The following FAT3 variants were observed in gnomAD, a reference collection of about 807,000 sequenced individuals.
FAT3 encodes FAT atypical cadherin 3.
FAT3 carries 95 observed loss-of-function variants against 310.2 expected under a neutral mutation model. The ratio of observed to expected loss-of-function variants is 0.31; its 90% confidence interval spans 0.26 to 0.36. The LOEUF is 0.36. Among genes scored for constraint, FAT3 ranks in the 10% least tolerant of loss-of-function variants. The pLI is 1.00. For missense variants in FAT3, 5,408 were observed against 5,715.6 expected (o/e 0.95, Z 1.74); for synonymous variants, 2,314 against 2,192.9 (o/e 1.06, Z -1.54).
At chr11:92,872,250 A>G (rs1271437566) in intron 22 of FAT3, among the ~76,000 whole-genome samples, 1 of 152,204 alleles carries the variant, frequency 6.6e-6, no homozygotes, top group African/African-American at 2.4e-5. Flanking sequence ...TCAAACTTTA[A>G]TTAAGTACCT....
At chr11:92,889,276 T>A (rs1949862297) in intron 26 of FAT3, 28 bp downstream of exon 26, 1 of 690,884 alleles carries the variant, frequency 1.4e-6, no homozygotes, top group Non-Finnish European at 2.7e-6. Flanking sequence ...TCCATAGCAT[T>A]TCTTGAAATT....
chr11:92,442,108 TA>T (rs1203666704), intron 2 of FAT3, among the ~76,000 whole-genome samples: 15 of 15,998 alleles, frequency 9.4e-4, no homozygotes, highest in East Asian at 6.9e-3. Flanking sequence ...TATATATATA[TA>T]TATTTTTTTT....
chr11:92,801,422 G>A lies in FAT3; in HGVS notation c.8409G>A (p.Lys2803=). The part of the protein sequence containing the change: ...DIVFTVDVDI[K]VLDLNDNKPV... ...TGTTTACTGTGGATGTAGATATCAAGGTATTGGATTTGAATGACAACAAGC... is the reference window on the plus strand; with the variant it reads ...TGTTTACTGTGGATGTAGATATCAAAGTATTGGATTTGAATGACAACAAGC... Residue 2803 remains lysine, a synonymous_variant, in exon 10 of 28, where the codon AAG becomes AAA. Coordinates refer to ENST00000525166, the MANE Select transcript of FAT3 (RefSeq NM_001367949.2). The A allele has an allele frequency of 1.9e-6, 3 of 1,613,878 alleles. No homozygotes were observed. Among genetic ancestry groups the A allele is most frequent in the Non-Finnish European group, 2.5e-6 (3 of 1,179,870 alleles).
intron 1 of FAT3, among the ~76,000 whole-genome samples, chr11:92,295,202 A>G (rs1946817827): frequency 6.6e-6 from 1 of 152,166 alleles, no homozygotes; most frequent in African/African-American, 2.4e-5. Flanking sequence ...TACAAGACAG[A>G]ATAAGATAAT....
At chr11:92,754,221 G>A (rs909395815) in intron 4 of FAT3, among the ~76,000 whole-genome samples, 8 of 151,932 alleles carry the variant, frequency 5.3e-5, no homozygotes, top group African/African-American at 1.9e-4. Context: ...CATGCTCATT[G>A]CAGCACTATT....
intron 1 of FAT3, among the ~76,000 whole-genome samples, chr11:92,281,369 A>C (rs1270795601): frequency 6.6e-6 from 1 of 152,204 alleles, no homozygotes; most frequent in Non-Finnish European, 1.5e-5. Context: ...AGTTTCTACA[A>C]GTATAGATGT....
chr11:92,643,441 C>A (rs1183572600), intron 3 of FAT3, among the ~76,000 whole-genome samples: 1 of 152,180 alleles, frequency 6.6e-6, no homozygotes. Context: ...GTGAGAAAAC[C>A]TGCATGTGAG....
intron 13 of FAT3, among the ~76,000 whole-genome samples, chr11:92,818,586 A>G (rs1250892398): frequency 1.3e-5 from 2 of 152,082 alleles, no homozygotes; most frequent in African/African-American, 4.8e-5. Context: ...CCCCAAATGT[A>G]CCCAAGAAAC....
intron 1 of FAT3, among the ~76,000 whole-genome samples, chr11:92,320,137 A>C (rs966505453): frequency 2.0e-5 from 3 of 152,220 alleles, no homozygotes; most frequent in Admixed American, 2.0e-4. Context: ...ATTTTCATTT[A>C]TTAGGTTGGT....
chr11:92,793,443 A>G (rs950134328), intron 9 of FAT3, among the ~76,000 whole-genome samples: 6 of 152,172 alleles, frequency 3.9e-5, no homozygotes, highest in African/African-American at 1.2e-4. Context: ...ACAAATTCAC[A>G]TCATTGGAGG....
chr11:92,486,130 G>GGTTTTTTT (rs1952381514), intron 2 of FAT3, among the ~76,000 whole-genome samples: 1 of 37,142 alleles, frequency 2.7e-5, no homozygotes, highest in Non-Finnish European at 4.8e-5. Context: ...GGCTGCTGGG[G>GGTTTTTTT]TTTTTTTTTT....
At chr11:92,785,572 C>CA (rs931072710) in intron 7 of FAT3, among the ~76,000 whole-genome samples, 18 of 150,064 alleles carry the variant, frequency 1.2e-4, no homozygotes, top group African/African-American at 2.2e-4. Context: ...TATATATAAC[C>CA]AAAAAAAACA....
At chr11:92,725,451 G>A (rs1944970953) in intron 4 of FAT3, among the ~76,000 whole-genome samples, 1 of 152,076 alleles carries the variant, frequency 6.6e-6, no homozygotes, top group Non-Finnish European at 1.5e-5. Context: ...GTAGTGTTCA[G>A]CTTGACTTTT....
At chr11:92,790,496 A>C (rs977803333) in intron 8 of FAT3, among the ~76,000 whole-genome samples, 13 of 152,246 alleles carry the variant, frequency 8.5e-5, no homozygotes, top group Non-Finnish European at 8.8e-5. Flanking sequence ...AGAGGGAAGG[A>C]ACAGGTCATG....
chr11:92,798,584 T>C lies in FAT3; in HGVS notation c.5571T>C (p.Gly1857=), dbSNP rs775379276. 6.2e-6 allele frequency: 10 copies of C among 1,613,778 alleles called. No homozygotes were observed. In the South Asian group the frequency reaches 7.7e-5, roughly 12 times the overall value. The change falls in exon 10 of 28, where the codon GGT becomes GGC. Residue 1857 remains glycine, a synonymous_variant. Transcript: ENST00000525166. ...TTCATGTGCATGTGAGAGACAGTGGTAGCCCCCAACTGACTGCAGAGAGTC... is the reference window on the plus strand; with the variant it reads ...TTCATGTGCATGTGAGAGACAGTGGCAGCCCCCAACTGACTGCAGAGAGTC... ...FHFHVHVRDS[G]SPQLTAESPV...
At chr11:92,810,844 G>A (rs956913969) in intron 13 of FAT3, among the ~76,000 whole-genome samples, 2 of 152,172 alleles carry the variant, frequency 1.3e-5, no homozygotes, top group Non-Finnish European at 2.9e-5. Context: ...CAGCTTCTCG[G>A]TTGTGCATTT....
At chr11:92,512,294 A>G (rs867421701) in intron 2 of FAT3, among the ~76,000 whole-genome samples, 8 of 151,898 alleles carry the variant, frequency 5.3e-5, no homozygotes, top group African/African-American at 9.7e-5. Flanking sequence ...TTGTGATTCT[A>G]GAATCAGGCA....
chr11:92,805,245 A>G lies in FAT3; in HGVS notation c.8989A>G (p.Ile2997Val). Residue 2997 changes from isoleucine (I) to valine (V), a missense_variant, in exon 11 of 28, where the codon ATT becomes GTT. By Grantham distance (29) the Ile-to-Val change is conservative (BLOSUM62 3). Around this residue, in one of 5 missense-constraint regions of FAT3, gnomAD observed 4,588 missense variants for 4,809.8 expected, o/e 0.95. Coordinates refer to ENST00000525166, the MANE Select transcript of FAT3 (RefSeq NM_001367949.2). ...GCCTCTAGACAGAGAAGAACAGGAC[A>G]TTTACTTTCTCAATATCACTGCCAC... ...KRPLDREEQD[I>V]YFLNITATDG... 2.5e-6 allele frequency: 4 copies of G among 1,613,898 alleles called. No homozygotes were observed. The highest frequency in any genetic ancestry group is 3.4e-6 in the Non-Finnish European group (4 of 1,179,846).
chr11:92,634,415 C>T (rs187447352), intron 3 of FAT3, among the ~76,000 whole-genome samples: 1 of 152,142 alleles, frequency 6.6e-6, no homozygotes, highest in African/African-American at 2.4e-5. Context: ...TAAGGAACAG[C>T]CAGACAGGAT....
Sources: gnomAD v4.1 joint callset for allele counts (sites outside exome capture counted in the v4.1 genomes callset) on GRCh38, gnomAD v4.1.1 for gene constraint, gnomAD v4.1.1 regional missense constraint, MANE v1.5 for transcripts, NCBI Gene and HGNC (gene_info 2026-07-23, HGNC 2026-07-21) for gene names.